The following KIF27 variants were observed in gnomAD, a reference collection of about 807,000 sequenced individuals.
The protein encoded by KIF27 is kinesin-like protein KIF27.
KIF27 carries 84 observed loss-of-function variants against 141.8 expected under a neutral mutation model. That is an observed-to-expected ratio of 0.59 (90% CI 0.50 to 0.71). The LOEUF is 0.71. Among genes scored for constraint, KIF27 ranks in the 30% least tolerant of loss-of-function variants. The pLI is 0.00. For synonymous variants in KIF27, 471 were observed against 569.5 expected, an observed-to-expected ratio of 0.83 and a Z score of 2.46; for missense variants, 1,306 against 1,628.4, an observed-to-expected ratio of 0.80 and a Z score of 3.41.
chr9:83,834,936 T>C lies in KIF27; in HGVS notation c.*2065A>G, dbSNP rs1444127558. 1.3e-5 allele frequency among the ~76,000 whole-genome samples: 2 copies of C among 148,952 alleles called. No individual in the cohort carries two copies. The highest frequency in any genetic ancestry group is 4.9e-5 in the African/African-American group (2 of 40,904). On this transcript the variant is annotated 3_prime_UTR_variant, in exon 18 of 18. Coordinates refer to ENST00000297814, the MANE Select transcript of KIF27 (RefSeq NM_017576.4). ...ACAAGTATATATATAATACTATATA[T>C]ATACAAGTGTTTATATACAAGTATA...
At chr9:83,852,785 T>C (rs895572952) in intron 15 of KIF27, among the ~76,000 whole-genome samples, 2 of 152,140 alleles carry the variant, frequency 1.3e-5, no homozygotes, top group African/African-American at 2.4e-5. Flanking sequence ...TATGCTACCA[T>C]ACCCGGCTAA....
At chr9:83,914,160 A>G (rs188103770) in intron 2 of KIF27, among the ~76,000 whole-genome samples, 10 of 151,512 alleles carry the variant, frequency 6.6e-5, no homozygotes, top group African/African-American at 2.4e-4. Context: ...TATAACTCCT[A>G]TTGGTATAAA....
rs762873465 is a variant in KIF27 at position 83,842,374 on chromosome 9, G to C, written c.3584C>G (p.Thr1195Ser). The change falls in exon 17 of 18, where the codon ACT becomes AGT. Residue 1195 changes from threonine to serine, a missense_variant. Thr to Ser is a moderately conservative substitution (Grantham distance 58). This residue lies in a region of KIF27 where 148 missense variants were observed against 250.9 expected (regional missense o/e 0.59). Transcript: ENST00000297814. The stretch of plus-strand genomic sequence containing the variant: ...GATTTTATCTTCATATGTTTTGAAA[G>C]TTTCCATAATGCCTTCTCCATCTTG... The part of the protein sequence containing the change: ...KEQDGEGIME[T>S]FKTYEDKIQQ... The C allele has an allele frequency of 7.2e-6, 11 of 1,524,330 alleles. No individual in the cohort carries two copies. Among genetic ancestry groups the C allele is most frequent in the Non-Finnish European group, 9.6e-6 (11 of 1,143,480 alleles). 94.4% of individuals were successfully genotyped at this position (1,524,330 alleles called of 1,614,324 possible).
chr9:83,860,818 A>G (rs1588048662), intron 13 of KIF27, among the ~76,000 whole-genome samples: 1 of 149,574 alleles, frequency 6.7e-6, no homozygotes, highest in Non-Finnish European at 1.5e-5. Context: ...CCTTTTTCAT[A>G]GTTTGTGCCC....
chr9:83,855,411 C>A (rs1381237833), intron 14 of KIF27, among the ~76,000 whole-genome samples: 8 of 152,058 alleles, frequency 5.3e-5, no homozygotes, highest in Non-Finnish European at 8.8e-5. Context: ...AATCACTAAC[C>A]ATATGGAATT....
At chr9:83,852,432 G>C (rs572398944) in intron 15 of KIF27, among the ~76,000 whole-genome samples, 34 of 148,522 alleles carry the variant, frequency 2.3e-4, no homozygotes, top group African/African-American at 8.0e-4. Flanking sequence ...CAGCCTGGGC[G>C]ACAGAGCGAG....
chr9:83,881,200 G>A (rs552148838), intron 10 of KIF27, among the ~76,000 whole-genome samples: 15 of 151,820 alleles, frequency 9.9e-5, no homozygotes, highest in Admixed American at 2.6e-4. Flanking sequence ...CTAAAATTAC[G>A]TACAGATAGC....
intron 5 of KIF27, among the ~76,000 whole-genome samples, chr9:83,895,076 C>T (rs1227134863): frequency 1.3e-5 from 2 of 150,934 alleles, no homozygotes; most frequent in East Asian, 1.9e-4. Context: ...ACAGTGAAAC[C>T]CCGTCTCCAC....
At chr9:83,876,934 C>G (rs1951245675) in intron 11 of KIF27, among the ~76,000 whole-genome samples, 1 of 152,024 alleles carries the variant, frequency 6.6e-6, no homozygotes, top group Non-Finnish European at 1.5e-5. Context: ...AAAAATTAGC[C>G]AGGTGTGGTG....
At chr9:83,860,009 A>G (rs1258535788) in intron 13 of KIF27, 1 of 152,160 alleles carries the variant, frequency 6.6e-6, no homozygotes, top group East Asian at 1.9e-4. Context: ...ACATTGTAGA[A>G]TTATGTTACA....
In KIF27 at chr9:83,836,386, A is replaced by G. The variant is rs1029206810; in HGVS notation, c.*615T>C. Among the ~76,000 whole-genome samples the G allele has an allele frequency of 2.6e-5, 4 of 152,214 alleles. No individual in the cohort carries two copies. The highest frequency in any genetic ancestry group is 4.4e-5 in the Non-Finnish European group (3 of 68,036). On this transcript the variant is annotated 3_prime_UTR_variant, in exon 18 of 18. Coordinates refer to ENST00000297814, the MANE Select transcript of KIF27 (RefSeq NM_017576.4). ...CTTATATTGCATAATATTAGCAAAC[A>G]TAAAAGATAGCATTATAAATTTTTA...
intron 11 of KIF27, among the ~76,000 whole-genome samples, chr9:83,870,979 T>C (rs1009248137): frequency 3.3e-5 from 5 of 152,090 alleles, no homozygotes; most frequent in Admixed American, 6.6e-5. Context: ...GGCGTGATCA[T>C]AGCTCACTGT....
chr9:83,890,543 T>C (rs1198364020), intron 6 of KIF27, among the ~76,000 whole-genome samples: 3 of 152,242 alleles, frequency 2.0e-5, no homozygotes, highest in Admixed American at 6.5e-5. Context: ...AATTTCTTTT[T>C]ACAAAGAAAA....
At chr9:83,862,114 A>T (rs1472174985) in intron 13 of KIF27, among the ~76,000 whole-genome samples, 6 of 151,498 alleles carry the variant, frequency 4.0e-5, no homozygotes, top group Non-Finnish European at 7.4e-5. Flanking sequence ...ATTTTCTCCC[A>T]TTCTGTAGGT....
At chr9:83,908,430 C>A (rs1319884593) in intron 3 of KIF27, 22 bp downstream of exon 3, 1 of 1,484,818 alleles carries the variant, frequency 6.7e-7, no homozygotes. Context: ...ATGAAGGCAA[C>A]TGATTAAGTG....
At chr9:83,848,210 T>TATATCATATATG in intron 16 of KIF27, among the ~76,000 whole-genome samples, 1 of 50,852 alleles carries the variant, frequency 2.0e-5, no homozygotes, top group South Asian at 5.6e-4. Flanking sequence ...TCAGATATGA[T>TATATCATATATG]ATATATGATA....
At chr9:83,885,698 C>A (rs1349966289) in intron 9 of KIF27, among the ~76,000 whole-genome samples, 2 of 152,130 alleles carry the variant, frequency 1.3e-5, no homozygotes, top group East Asian at 3.9e-4. Context: ...GTGGTGCAAT[C>A]ATGACTCACT....
chr9:83,856,495 C>G (rs1031720071), intron 14 of KIF27, among the ~76,000 whole-genome samples: 35 of 152,026 alleles, frequency 2.3e-4, no homozygotes, highest in African/African-American at 7.2e-4. Context: ...GTAATCCCAG[C>G]ACTTTGGGAA....
intron 15 of KIF27, among the ~76,000 whole-genome samples, chr9:83,853,406 T>C (rs559215741): frequency 6.6e-6 from 1 of 152,286 alleles, no homozygotes; most frequent in East Asian, 1.9e-4. Context: ...TGAAAGGCCC[T>C]CCAACTTTAA....
Sources: gnomAD v4.1 joint callset for allele counts (sites outside exome capture counted in the v4.1 genomes callset) on GRCh38, gnomAD v4.1.1 for gene constraint, gnomAD v4.1.1 regional missense constraint, MANE v1.5 for transcripts, NCBI Gene and HGNC (gene_info 2026-07-23, HGNC 2026-07-21) for gene names.